DLGAP1: variants seen among roughly 807,000 people sequenced by gnomAD.
DLGAP1 encodes DLG associated protein 1.
Under a neutral mutation model 90.8 loss-of-function variants are expected in DLGAP1, and 11 were observed. The ratio of observed to expected loss-of-function variants is 0.12; its 90% CI spans 0.08 to 0.20. The LOEUF is 0.20. DLGAP1 is among the 10% of genes least tolerant of loss of function. The pLI, the probability that DLGAP1 is intolerant of heterozygous loss-of-function variation, is 1.00. For synonymous variants in DLGAP1, 558 were observed against 540.7 expected (o/e 1.03, Z -0.44); for missense variants, 1,050 against 1,333.8 (o/e 0.79, Z 3.31).
At chr18:3,907,817 A>G (rs1015115834) in intron 3 of DLGAP1, among the ~76,000 whole-genome samples, 1 of 152,230 alleles carries the variant, frequency 6.6e-6, no homozygotes, top group Admixed American at 6.5e-5. Context: ...ATCAGAGGCC[A>G]GCGAGGCCAG....
intron 7 of DLGAP1, among the ~76,000 whole-genome samples, chr18:3,728,439 C>T (rs2062277475): frequency 6.6e-6 from 1 of 151,800 alleles, no homozygotes; most frequent in Non-Finnish European, 1.5e-5. Context: ...GTTCCAGTGT[C>T]ACAGAAACTC....
At chr18:4,362,603 A>T (rs1277983780) in intron 1 of DLGAP1, among the ~76,000 whole-genome samples, 2 of 152,148 alleles carry the variant, frequency 1.3e-5, no homozygotes, top group African/African-American at 2.4e-5. Flanking sequence ...TTACTGTTTA[A>T]TGGGTACAGA....
chr18:4,376,712 G>C (rs193236734), intron 1 of DLGAP1, among the ~76,000 whole-genome samples: 1 of 152,230 alleles, frequency 6.6e-6, no homozygotes, highest in Admixed American at 6.5e-5. Context: ...CTGAGCACTT[G>C]GTCAGTGATT....
At chr18:3,794,692 G>GC (rs2065899367) in intron 5 of DLGAP1, among the ~76,000 whole-genome samples, 1 of 152,200 alleles carries the variant, frequency 6.6e-6, no homozygotes, top group African/African-American at 2.4e-5. Context: ...TTGGCCCACT[G>GC]CCCCCCTAGA....
chr18:3,664,206 ACACACACACACC>A lies in DLGAP1; in HGVS notation c.1591+64917_1591+64928del, dbSNP rs1337867007. ...TATACACACACACACACACACACACACACACACACACCCACACACACACACACACACGGATAT... is the reference window on the plus strand; with the variant it reads ...TATACACACACACACACACACACACACACACACACACACACACACGGATAT... On this transcript the variant is annotated intron_variant, in intron 7 of 12. Transcript: ENST00000315677. Among the ~76,000 whole-genome samples, 467 of 140,164 alleles carry A rather than the reference ACACACACACACC, an allele frequency of 3.3e-3. 3 individuals carry two copies. Among genetic ancestry groups the A allele is most frequent in the African/African-American group, 0.01 (342 of 33,616 alleles). The allele number at this position is 140,164 out of a possible 152,430, so 92.0% of individuals were successfully genotyped here.
At chr18:4,387,729 G>C (rs965417992) in intron 1 of DLGAP1, among the ~76,000 whole-genome samples, 3 of 152,118 alleles carry the variant, frequency 2.0e-5, no homozygotes, top group Admixed American at 1.3e-4. Context: ...TCAGGAGTTC[G>C]GGACTAGCCT....
intron 2 of DLGAP1, among the ~76,000 whole-genome samples, chr18:4,076,598 ACT>A (rs2075526211): frequency 1.3e-5 from 2 of 151,620 alleles, no homozygotes; most frequent in South Asian, 2.1e-4. Flanking sequence ...TTCTCACAAC[ACT>A]CTGTTTTCTT....
rs191787205 is a variant in DLGAP1, at chr18:4,238,216, T to C, written c.-266-86929A>G. Among the ~76,000 whole-genome samples the C allele has an allele frequency of 4.8e-3, 732 of 152,304 alleles. 2 individuals carry two copies. The highest frequency in any genetic ancestry group is 0.019 in the South Asian group (90 of 4,826). ...AGATAATGCTATTTTCTTCAAAATA[T>C]TGTGAGTTAAATGAGATGGTATCTG... On this transcript the variant is annotated intron_variant, in intron 1 of 12. Coordinates refer to ENST00000315677, the MANE Select transcript of DLGAP1 (RefSeq NM_004746.4).
intron 7 of DLGAP1, among the ~76,000 whole-genome samples, chr18:3,643,167 T>C (rs546456304): frequency 1.6e-4 from 25 of 151,878 alleles, no homozygotes; most frequent in African/African-American, 5.8e-4. Flanking sequence ...CTACAGAATT[T>C]TGAAAAGCAA....
At chr18:3,512,300 G>A (rs543639623) in intron 10 of DLGAP1, among the ~76,000 whole-genome samples, 7 of 152,300 alleles carry the variant, frequency 4.6e-5, no homozygotes, top group Admixed American at 2.6e-4. Context: ...CCCAGACACC[G>A]TATAGGCACC....
intron 3 of DLGAP1, among the ~76,000 whole-genome samples, chr18:3,926,540 A>G (rs559556959): frequency 6.6e-6 from 1 of 152,110 alleles, no homozygotes; most frequent in Middle Eastern, 3.4e-3. Context: ...ACATACATGC[A>G]GACACATCTC....
intron 1 of DLGAP1, among the ~76,000 whole-genome samples, chr18:4,345,114 G>A (rs142932838): frequency 1.3e-5 from 2 of 152,218 alleles, no homozygotes; most frequent in Non-Finnish European, 2.9e-5. Flanking sequence ...AGATAAGTCC[G>A]TGTCATGGCC....
chr18:4,351,579 A>G (rs2081403395), intron 1 of DLGAP1, among the ~76,000 whole-genome samples: 1 of 152,180 alleles, frequency 6.6e-6, no homozygotes, highest in Admixed American at 6.5e-5. Flanking sequence ...TTTTGAATCC[A>G]TGGCACGTGA....
intron 7 of DLGAP1, among the ~76,000 whole-genome samples, chr18:3,590,956 A>AAAAAC (rs1285182216): frequency 1.3e-5 from 2 of 152,316 alleles, no homozygotes; most frequent in South Asian, 4.1e-4. Context: ...TGTTGAATCT[A>AAAAAC]AAAACAAAAC....
intron 2 of DLGAP1, among the ~76,000 whole-genome samples, chr18:4,121,510 T>A (rs1464037996): frequency 6.6e-6 from 1 of 152,152 alleles, no homozygotes. Flanking sequence ...ATCAGGTTCC[T>A]CATCCTCCAC....
At chr18:4,157,061 C>T (rs2076768648) in intron 1 of DLGAP1, among the ~76,000 whole-genome samples, 1 of 152,086 alleles carries the variant, frequency 6.6e-6, no homozygotes, top group Non-Finnish European at 1.5e-5. Flanking sequence ...ATGTTTAAAT[C>T]CTGTTTTAGA....
chr18:3,500,057 G>C (rs1057291909), intron 12 of DLGAP1, among the ~76,000 whole-genome samples: 1 of 152,142 alleles, frequency 6.6e-6, no homozygotes, highest in South Asian at 2.1e-4. Flanking sequence ...ACACTCGAGA[G>C]TTAATTAAGT....
intron 1 of DLGAP1, among the ~76,000 whole-genome samples, chr18:4,447,426 A>C (rs1015464138): frequency 6.6e-6 from 1 of 152,196 alleles, no homozygotes; most frequent in Non-Finnish European, 1.5e-5. Context: ...AAGCAAAACA[A>C]GACTATATTG....
chr18:4,163,088 G>A (rs921265647), intron 1 of DLGAP1, among the ~76,000 whole-genome samples: 2 of 152,048 alleles, frequency 1.3e-5, no homozygotes, highest in Non-Finnish European at 2.9e-5. Flanking sequence ...CTTTACTAAT[G>A]TCCAGCAATA....
Sources: allele counts gnomAD v4.1 joint callset (sites outside exome capture counted in the v4.1 genomes callset), GRCh38; gene constraint gnomAD v4.1.1; transcripts MANE v1.5; gene names NCBI Gene and HGNC (gene_info 2026-07-23, HGNC 2026-07-21).